Variants in ASCC3 observed in about 807,000 individuals in gnomAD.
The protein encoded by ASCC3 is activating signal cointegrator 1 complex subunit 3.
Under a neutral mutation model 256.3 loss-of-function variants are expected in ASCC3, and 158 were observed. The observed-to-expected ratio is 0.62, with a 90% CI of 0.54 to 0.70. The LOEUF is 0.70. Ranked by LOEUF, ASCC3 falls within the 30% of genes least tolerant of loss-of-function variation. ASCC3 has a pLI of 0.00. For synonymous variants in ASCC3, 948 were observed against 883.4 expected (o/e 1.07, Z -1.30); for missense variants, 2,259 against 2,626.0 (o/e 0.86, Z 3.05).
At chr6:100,556,652 T>C (rs1479350309) in intron 36 of ASCC3, among the ~76,000 whole-genome samples, 1 of 152,124 alleles carries the variant, frequency 6.6e-6, no homozygotes. Flanking sequence ...TGTATATAAT[T>C]GTAGACTGTG....
At chr6:100,527,746 T>C (rs1460325532) in intron 37 of ASCC3, among the ~76,000 whole-genome samples, 1 of 152,124 alleles carries the variant, frequency 6.6e-6, no homozygotes. Flanking sequence ...AATACCCACA[T>C]CGTTATATCT....
At chr6:100,687,202 A>G (rs1470854617) in intron 13 of ASCC3, among the ~76,000 whole-genome samples, 1 of 152,144 alleles carries the variant, frequency 6.6e-6, no homozygotes, top group African/African-American at 2.4e-5. Context: ...GTGAATGTAT[A>G]TGTTTGAAAA....
At chr6:100,858,680 G>A in intron 3 of ASCC3, 1 of 1,006,904 alleles carries the variant, frequency 9.9e-7, no homozygotes. Context: ...TTCTTTTGCT[G>A]ACACATTTGA....
At chr6:100,846,224 A>G (rs1490818817) in intron 4 of ASCC3, among the ~76,000 whole-genome samples, 2 of 152,162 alleles carry the variant, frequency 1.3e-5, no homozygotes, top group Non-Finnish European at 2.9e-5. Flanking sequence ...CAATTGTAGA[A>G]AACTCCTGAA....
At chr6:100,843,150 CA>C (rs1207564281) in intron 4 of ASCC3, among the ~76,000 whole-genome samples, 2 of 151,868 alleles carry the variant, frequency 1.3e-5, no homozygotes, top group African/African-American at 4.8e-5. Flanking sequence ...GTTTTGAGAA[CA>C]AAAAACGAGA....
At chr6:100,856,732 G>A (rs1772961080) in intron 3 of ASCC3, 1 of 152,062 alleles carries the variant, frequency 6.6e-6, no homozygotes, top group African/African-American at 2.4e-5. Context: ...ATCATAATAT[G>A]TGTTGTATGG....
At chr6:100,603,002 A>G (rs925773389) in intron 33 of ASCC3, among the ~76,000 whole-genome samples, 1 of 152,052 alleles carries the variant, frequency 6.6e-6, no homozygotes, top group Non-Finnish European at 1.5e-5. Flanking sequence ...TTTGAGATCA[A>G]ATTTGTAATA....
chr6:100,796,790 T>C (rs1431122669), intron 8 of ASCC3, among the ~76,000 whole-genome samples: 2 of 152,182 alleles, frequency 1.3e-5, no homozygotes, highest in South Asian at 2.1e-4. Context: ...TCTTTTGTTA[T>C]GGCAGACGAA....
intron 4 of ASCC3, among the ~76,000 whole-genome samples, chr6:100,813,621 CTG>C (rs915702641): frequency 1.3e-5 from 2 of 151,848 alleles, no homozygotes; most frequent in African/African-American, 2.4e-5. Context: ...TACAGGGCGT[CTG>C]TGTTTGTGTG....
At chr6:100,563,312 A>G (rs1461843257) in intron 36 of ASCC3, among the ~76,000 whole-genome samples, 1 of 152,158 alleles carries the variant, frequency 6.6e-6, no homozygotes, top group Non-Finnish European at 1.5e-5. Flanking sequence ...GGAAGAATAT[A>G]CAATTTTAAC....
At chr6:100,749,207 A>C (rs931128856) in intron 10 of ASCC3, among the ~76,000 whole-genome samples, 1 of 152,050 alleles carries the variant, frequency 6.6e-6, no homozygotes, top group Non-Finnish European at 1.5e-5. Flanking sequence ...GTTATTCTTA[A>C]TAAGTAAGTC....
Position 100,647,344 on chromosome 6 carries a change from A to G in ASCC3, c.3360T>C (p.Leu1120=), listed in dbSNP as rs759499405. Residue 1120 remains leucine, a synonymous_variant, in exon 21 of 42, where the codon CTT becomes CTC. Transcript: ENST00000369162. ...LNLSKVIDKR[L]WGWASPLRQF... is the part of the protein sequence containing the mutation. ...GTCTCAAAGGGCTAGCCCAACCCCA[A>G]AGCCTCTTGTCAATGACTTTACTAA... The G allele has an allele frequency of 1.1e-5, 17 of 1,613,904 alleles. No homozygotes were observed. Among genetic ancestry groups the G allele is most frequent in the Middle Eastern group, 1.6e-4 (1 of 6,062 alleles).
intron 38 of ASCC3, 121 bp downstream of exon 38, chr6:100,517,870 G>T: frequency 9.0e-7 from 1 of 1,111,064 alleles, no homozygotes; most frequent in Non-Finnish European, 1.3e-6. Context: ...TGGGAAACAG[G>T]AGTATTTTCC....
intron 5 of ASCC3, among the ~76,000 whole-genome samples, chr6:100,801,170 A>T (rs1427052952): frequency 6.6e-6 from 1 of 152,090 alleles, no homozygotes; most frequent in Non-Finnish European, 1.5e-5. Context: ...CAATATTGAG[A>T]AAAAAATGTT....
At chr6:100,723,587 A>G (rs535892438) in intron 11 of ASCC3, among the ~76,000 whole-genome samples, 1 of 151,456 alleles carries the variant, frequency 6.6e-6, no homozygotes, top group Admixed American at 6.6e-5. Flanking sequence ...TTACATTTCC[A>G]CACTTGAATC....
In ASCC3 at chr6:100,725,713, A is replaced by G; in HGVS notation, c.1738-10T>C. 1 of 1,612,068 alleles carries G rather than the reference A, an allele frequency of 6.2e-7. No individual in the cohort carries two copies. Among genetic ancestry groups the G allele is most frequent in the Non-Finnish European group, 8.5e-7 (1 of 1,178,622 alleles). On this transcript the variant is annotated splice_polypyrimidine_tract_variant and intron_variant, in intron 10 of 41. Transcript: ENST00000369162. The stretch of plus-strand genomic sequence containing the variant: ...GTGTGGTCACAAGCATCTATAAGAG[A>G]AGACACATTTTAAAAGGGGAAAGTT...
At chr6:100,685,921 T>C (rs1195254805) in intron 13 of ASCC3, among the ~76,000 whole-genome samples, 7 of 152,190 alleles carry the variant, frequency 4.6e-5, no homozygotes, top group Admixed American at 1.3e-4. Context: ...CTGAAGACAC[T>C]CAAGTCATCT....
rs919447037 is a variant in ASCC3, at chr6:100,556,833, A to AT, written c.5551-16447dup. Among the ~76,000 whole-genome samples the AT allele has an allele frequency of 7.1e-4, 104 of 146,454 alleles. 1 individual carries two copies. Among genetic ancestry groups the AT allele is most frequent in the Admixed American group, 4.7e-4 (7 of 14,926 alleles). Reference sequence around the variant, plus strand: ...CCCAAATAGGAGCTAAAGAGTGAACATTTTTTTTTAAGGGAGAAATTTGAG... The same window carrying AT: ...CCCAAATAGGAGCTAAAGAGTGAACATTTTTTTTTTAAGGGAGAAATTTGAG... On this transcript the variant is annotated intron_variant, in intron 36 of 41. Transcript: ENST00000369162.
intron 38 of ASCC3, 128 bp downstream of exon 38, chr6:100,517,863 G>A: frequency 9.3e-7 from 1 of 1,070,002 alleles, no homozygotes; most frequent in Non-Finnish European, 1.4e-6. Flanking sequence ...CTCACTCTGG[G>A]AAACAGGAGT....
Sources: gnomAD v4.1 joint callset for allele counts (sites outside exome capture counted in the v4.1 genomes callset) on GRCh38, gnomAD v4.1.1 for gene constraint, MANE v1.5 for transcripts, NCBI Gene and HGNC (gene_info 2026-07-23, HGNC 2026-07-21) for gene names.